Variants in ANO4 observed in about 807,000 individuals in gnomAD.
ANO4 encodes the protein anoctamin-4.
A neutral mutation model predicts 141.9 loss-of-function variants in ANO4; 69 were observed. That is an observed-to-expected ratio of 0.49 (90% confidence interval 0.40 to 0.59). The LOEUF is 0.59. ANO4 is among the 20% of genes least tolerant of loss of function. ANO4 has a pLI of 0.00. For synonymous variants in ANO4, 350 were observed against 394.3 expected (o/e 0.89, Z 1.33); for missense variants, 894 against 1,162.2 (o/e 0.77, Z 3.36).
At chr12:101,106,427 A>G (rs1200843403) in intron 22 of ANO4, among the ~76,000 whole-genome samples, 1 of 152,044 alleles carries the variant, frequency 6.6e-6, no homozygotes, top group Non-Finnish European at 1.5e-5. Flanking sequence ...AGATCAAGAT[A>G]ATATCTCAAA....
rs145279096 is a variant in ANO4 at position 100,917,000 on chromosome 12, G to A, written c.56-5226G>A. 2.9e-4 allele frequency among the ~76,000 whole-genome samples: 43 copies of A among 150,506 alleles called. No individual in the cohort carries two copies. The East Asian group carries it at 8.2e-3, about 29-fold the overall frequency. On this transcript the variant is annotated intron_variant, in intron 2 of 27. Transcript: ENST00000392977. ...TGTCTTAAAAAAAAAAAAAAGCCTA[G>A]CTGTAAGCTAGGTACAGAATGAATT...
At chr12:100,815,780 T>G (rs1233273203) in intron 1 of ANO4, among the ~76,000 whole-genome samples, 1 of 152,056 alleles carries the variant, frequency 6.6e-6, no homozygotes, top group East Asian at 1.9e-4. Flanking sequence ...TTTGTGTGTG[T>G]GAATTTATGC....
At chr12:100,725,558 G>T (rs1434558330) in intron 1 of ANO4, among the ~76,000 whole-genome samples, 2 of 152,012 alleles carry the variant, frequency 1.3e-5, no homozygotes, top group Non-Finnish European at 2.9e-5. Context: ...ATGTTAGCCA[G>T]GATGGTCTCA....
intron 14 of ANO4, among the ~76,000 whole-genome samples, chr12:101,065,497 A>G (rs1451864555): frequency 1.3e-5 from 2 of 152,204 alleles, no homozygotes; most frequent in African/African-American, 2.4e-5. Flanking sequence ...ATGCCAATAA[A>G]TTGGAAAATC....
intron 8 of ANO4, among the ~76,000 whole-genome samples, chr12:101,012,390 T>G (rs2046133158): frequency 6.6e-6 from 1 of 151,948 alleles, no homozygotes; most frequent in Non-Finnish European, 1.5e-5. Context: ...AGAGAGAGAT[T>G]ATTGGGGCAG....
At chr12:101,013,810 G>A (rs935149471) in intron 8 of ANO4, among the ~76,000 whole-genome samples, 2 of 152,168 alleles carry the variant, frequency 1.3e-5, no homozygotes, top group African/African-American at 4.8e-5. Context: ...AACAGTGCTG[G>A]AGTCTAGATT....
chr12:100,818,230 A>G (rs1011292886), intron 1 of ANO4, among the ~76,000 whole-genome samples: 1 of 151,984 alleles, frequency 6.6e-6, no homozygotes, highest in Non-Finnish European at 1.5e-5. Context: ...AAATGAGCAC[A>G]AGTAATTCTT....
chr12:100,815,871 A>G (rs1363574694), intron 1 of ANO4, among the ~76,000 whole-genome samples: 1 of 152,092 alleles, frequency 6.6e-6, no homozygotes, highest in East Asian at 1.9e-4. Flanking sequence ...AAATAACTTA[A>G]AAATTTGGCA....
chr12:101,017,991 A>T (rs1391276578), intron 8 of ANO4, among the ~76,000 whole-genome samples: 1 of 152,226 alleles, frequency 6.6e-6, no homozygotes, highest in African/African-American at 2.4e-5. Context: ...ATGTAATGTG[A>T]TGCTATAAAA....
chr12:100,987,545 T>G lies in ANO4; in HGVS notation c.609T>G (p.Asp203Glu). The G allele has an allele frequency of 6.2e-7, 1 of 1,613,758 alleles. No homozygotes were observed. Among genetic ancestry groups the G allele is most frequent in the Non-Finnish European group, 8.5e-7 (1 of 1,179,804 alleles). The change falls in exon 8 of 28, where the codon GAT becomes GAG. Residue 203 changes from aspartate (D) to glutamate (E), a missense_variant. Asp to Glu is a conservative substitution (Grantham distance 45). Around this residue, in one of 2 missense-constraint regions of ANO4, gnomAD observed 257 missense variants for 253.0 expected, o/e 1.02. Coordinates refer to ENST00000392977, the MANE Select transcript of ANO4 (RefSeq NM_001286615.2). ...TGCCTTCCATGTACCACAGGATCGA[T>G]AAACAAATAAGCAGGTTTCGGAGAT... ...PRRYKFMSRI[D>E]KQISRFRRWL...
intron 2 of ANO4, among the ~76,000 whole-genome samples, chr12:100,736,380 T>C (rs1446167291): frequency 1.3e-5 from 2 of 152,076 alleles, no homozygotes; most frequent in South Asian, 2.1e-4. Flanking sequence ...AGTGATATTT[T>C]CCCCCATTTT....
intron 22 of ANO4, among the ~76,000 whole-genome samples, chr12:101,101,871 T>A (rs1040419379): frequency 6.6e-6 from 1 of 152,010 alleles, no homozygotes; most frequent in African/African-American, 2.4e-5. Flanking sequence ...TCACCTGAGG[T>A]CACGAGTTCA....
rs913583867 is a variant in ANO4 at position 101,128,050 on chromosome 12, C to T, written c.*194C>T. 6.6e-6 allele frequency: 1 copy of T among 152,622 alleles called. No individual in the cohort carries two copies. The highest frequency in any genetic ancestry group is 2.4e-5 in the African/African-American group (1 of 41,454). The allele number at this position is 152,622 out of a possible 1,614,324, so 9.5% of individuals were successfully genotyped here. A position where few individuals can be genotyped will look rare whatever the true frequency, so the allele number is the denominator to read the frequency against. ...ACTGCTGTGAAATCACGTTGCAGTC[C>T]AGCGCACAATTGCTATCTATCCATA... On this transcript the variant is annotated 3_prime_UTR_variant, in exon 28 of 28. Transcript: ENST00000392977.
At chr12:100,945,516 T>A (rs563879) in intron 5 of ANO4, among the ~76,000 whole-genome samples, 35,530 of 152,214 alleles carry the variant, frequency 0.23, 4,744 homozygotes, top group Admixed American at 0.31. Flanking sequence ...GATTCCCTTC[T>A]TAAAGGTAAG....
chr12:101,035,037 A>T (rs1020476379), intron 9 of ANO4, among the ~76,000 whole-genome samples: 2 of 151,866 alleles, frequency 1.3e-5, no homozygotes, highest in African/African-American at 4.9e-5. Flanking sequence ...TAGTGGAATC[A>T]CTTCTAGGTA....
intron 14 of ANO4, chr12:101,067,060 A>C: frequency 2.2e-6 from 1 of 450,042 alleles, no homozygotes; most frequent in East Asian, 3.7e-5. Flanking sequence ...TGTTTTAGAA[A>C]ATCAAATAAG....
intron 14 of ANO4, chr12:101,068,182 G>C (rs899117149): frequency 1.4e-5 from 16 of 1,170,258 alleles, no homozygotes; most frequent in African/African-American, 1.5e-5. Flanking sequence ...AGCCCCATAG[G>C]AGTGGAGTGG....
chr12:100,771,423 C>G (rs1203200945), intron 3 of ANO4, among the ~76,000 whole-genome samples: 3 of 152,154 alleles, frequency 2.0e-5, no homozygotes, highest in Non-Finnish European at 2.9e-5. Context: ...AACAGTCAAG[C>G]CTTTAACTAC....
intron 1 of ANO4, among the ~76,000 whole-genome samples, chr12:100,884,817 C>T (rs1028241156): frequency 6.6e-6 from 1 of 152,202 alleles, no homozygotes; most frequent in African/African-American, 2.4e-5. Context: ...GCCTCAGCCC[C>T]CCGAGTAGCT....
Sources: gnomAD v4.1 joint callset for allele counts (sites outside exome capture counted in the v4.1 genomes callset) on GRCh38, gnomAD v4.1.1 for gene constraint, gnomAD v4.1.1 regional missense constraint, MANE v1.5 for transcripts, NCBI Gene and HGNC (gene_info 2026-07-23, HGNC 2026-07-21) for gene names.